Variants in WDR43 observed in about 807,000 individuals in gnomAD.
WDR43 encodes WD repeat domain 43, also known as WD repeat-containing protein 43.
Under a neutral mutation model 91.4 loss-of-function variants are expected in WDR43, and 13 were observed. The ratio of observed to expected loss-of-function variants is 0.14; its 90% CI spans 0.09 to 0.23. WDR43 has a LOEUF of 0.23. WDR43 is among the 10% of genes least tolerant of loss of function. The pLI, the probability that WDR43 is intolerant of heterozygous loss-of-function variation, is 1.00. For missense variants in WDR43, 780 were observed against 809.4 expected, an observed-to-expected ratio of 0.96 and a Z score of 0.44; for synonymous variants, 331 against 287.9, an observed-to-expected ratio of 1.15 and a Z score of -1.51.
intron 16 of WDR43, among the ~76,000 whole-genome samples, chr2:28,943,092 C>G (rs1328281759): frequency 1.3e-5 from 2 of 152,122 alleles, no homozygotes; most frequent in East Asian, 3.8e-4. Flanking sequence ...AAGATATGCC[C>G]AGATATTTTG....
Position 28,898,989 on chromosome 2 carries a change from CTGGATCAAATGCTGATGA to C in WDR43, c.226-2981_226-2964del, listed in dbSNP as rs199578132. ...TTCTCCCTCAGCCTTCTGATTGTTT[CTGGATCAAATGCTGATGA>C]TGGATCAAATGCTGATAAGCTTTTC... On this transcript the variant is annotated intron_variant, in intron 1 of 17. Coordinates refer to ENST00000407426, the MANE Select transcript of WDR43 (RefSeq NM_015131.3). 3.3e-3 allele frequency among the ~76,000 whole-genome samples: 505 copies of C among 152,268 alleles called. 7 individuals carry two copies. The East Asian group carries it at 0.059, about 18-fold the overall frequency.
At chr2:28,940,111 C>CAAA (rs369746530) in intron 14 of WDR43, among the ~76,000 whole-genome samples, 17,145 of 102,968 alleles carry the variant, frequency 0.17, 2,123 homozygotes, top group East Asian at 0.42. Flanking sequence ...GACTCCGTCT[C>CAAA]AAAAAAAAAA....
chr2:28,916,672 C>T (rs150072172), intron 5 of WDR43, among the ~76,000 whole-genome samples: 1,873 of 152,186 alleles, frequency 0.012, 21 homozygotes, highest in Middle Eastern at 0.041. Context: ...TATCGGTTCT[C>T]GTTATTTATA....
In WDR43 at chr2:28,927,627, A is replaced by G. The variant is rs746339905; in HGVS notation, c.1232A>G (p.His411Arg). The G allele has an allele frequency of 1.9e-6, 3 of 1,613,950 alleles. No individual in the cohort carries two copies. The highest frequency in any genetic ancestry group is 2.2e-5 in the South Asian group (2 of 91,074). ...AKVLVPGIPGHHAAIKPAPPQ... is the reference protein window; with the variant it reads ...AKVLVPGIPGRHAAIKPAPPQ... ...GTTCTGGTGCCTGGGATTCCTGGTCATCATGCAGCTATCAAGCCCGCTCCT... is the reference window on the plus strand; with the variant it reads ...GTTCTGGTGCCTGGGATTCCTGGTCGTCATGCAGCTATCAAGCCCGCTCCT... The change falls in exon 10 of 18, where the codon CAT (histidine) becomes CGT (arginine). Residue 411 changes from histidine (H) to arginine (R), a missense_variant. Coordinates refer to ENST00000407426, the MANE Select transcript of WDR43 (RefSeq NM_015131.3).
intron 16 of WDR43, among the ~76,000 whole-genome samples, chr2:28,943,396 A>G (rs1480389040): frequency 6.6e-6 from 1 of 152,156 alleles, no homozygotes; most frequent in Non-Finnish European, 1.5e-5. Context: ...TCAGCTTCCC[A>G]AAGTGCTGGG....
intron 1 of WDR43, among the ~76,000 whole-genome samples, chr2:28,896,853 C>T (rs980883735): frequency 6.6e-6 from 1 of 152,124 alleles, no homozygotes; most frequent in South Asian, 2.1e-4. Context: ...CATTGACAAA[C>T]GAGAGTTGAG....
At chr2:28,938,025 T>G (rs774689881) in intron 14 of WDR43, 31 bp downstream of exon 14, 1 of 1,609,108 alleles carries the variant, frequency 6.2e-7, no homozygotes, top group Non-Finnish European at 8.5e-7. Context: ...TTGCCGAGTA[T>G]GAATAGTTTG....
chr2:28,936,938 A>G lies in WDR43; in HGVS notation c.1541A>G (p.Gln514Arg), dbSNP rs763026244. The G allele has an allele frequency of 2.5e-6, 4 of 1,574,320 alleles. No individual in the cohort carries two copies. The Admixed American group carries it at 5.6e-5, about 22-fold the overall frequency. ...PLLQELTKRL[Q>R]GHPNSAVLMV... is the part of the protein sequence containing the mutation. ...CTCCCTTAGCTTACAAAGAGGTTAC[A>G]AGGACATCCTAATAGGTAAGATTAA... The change falls in exon 13 of 18, where the codon CAA (glutamine) becomes CGA (arginine). Residue 514 changes from glutamine (Q) to arginine (R), a missense_variant. Physicochemically the swap from Gln to Arg is conservative, Grantham distance 43. Around this residue, in one of 4 missense-constraint regions of WDR43, gnomAD observed 426 missense variants for 467.8 expected, o/e 0.91. Transcript: ENST00000407426.
intron 3 of WDR43, among the ~76,000 whole-genome samples, chr2:28,907,883 G>C (rs1176254237): frequency 7.3e-6 from 1 of 137,494 alleles, no homozygotes; most frequent in Non-Finnish European, 1.6e-5. Flanking sequence ...CAGCCTGGGC[G>C]ACAGAGCGAG....
intron 6 of WDR43, among the ~76,000 whole-genome samples, chr2:28,918,701 C>G (rs886501336): frequency 1.3e-5 from 2 of 152,076 alleles, no homozygotes; most frequent in Non-Finnish European, 1.5e-5. Context: ...GAGTGATGTC[C>G]TCTTGTTTGC....
intron 3 of WDR43, among the ~76,000 whole-genome samples, chr2:28,911,928 C>G (rs1484884876): frequency 6.6e-6 from 1 of 152,170 alleles, no homozygotes; most frequent in African/African-American, 2.4e-5. Context: ...CCTGCCCCTG[C>G]TGTTACTTCT....
Position 28,925,172 on chromosome 2 carries a change from G to A in WDR43, c.1086+19G>A. ...GCGAGTGGTACGTAGCTGCTACTCT[G>A]GAGTAAAGCAATATAGCATCCCTGT... On this transcript the variant is annotated intron_variant, in intron 8 of 17. Coordinates refer to ENST00000407426, the MANE Select transcript of WDR43 (RefSeq NM_015131.3). 3 of 1,594,864 alleles carry A rather than the reference G, an allele frequency of 1.9e-6. No individual in the cohort carries two copies. The highest frequency in any genetic ancestry group is 2.6e-6 in the Non-Finnish European group (3 of 1,170,154).
At chr2:28,903,713 C>G (rs1490609008) in intron 2 of WDR43, among the ~76,000 whole-genome samples, 1 of 152,126 alleles carries the variant, frequency 6.6e-6, no homozygotes, top group Admixed American at 6.6e-5. Context: ...AGGAGCCTAT[C>G]CTTTAATTGG....
intron 9 of WDR43, chr2:28,927,032 GTT>G (rs768738987): frequency 1.9e-6 from 1 of 518,174 alleles, no homozygotes; most frequent in South Asian, 1.4e-5. Context: ...TAGGGGACGT[GTT>G]TCGTGGTTTA....
intron 5 of WDR43, among the ~76,000 whole-genome samples, chr2:28,917,137 T>C (rs922180564): frequency 6.6e-6 from 1 of 152,166 alleles, no homozygotes; most frequent in Admixed American, 6.5e-5. Flanking sequence ...TACTTGTTGA[T>C]AGTATGAGAA....
At chr2:28,920,332 C>T (rs1262490189) in intron 6 of WDR43, among the ~76,000 whole-genome samples, 2 of 140,560 alleles carry the variant, frequency 1.4e-5, no homozygotes, top group Admixed American at 7.6e-5. Flanking sequence ...TTCAAATGAT[C>T]CTTCTGCCTC....
chr2:28,913,944 GTTAC>G (rs1670856884), intron 4 of WDR43, 121 bp from the exon 5 acceptor site: 1 of 1,091,170 alleles, frequency 9.2e-7, no homozygotes, highest in African/African-American at 1.6e-5. Context: ...GAATTGAACA[GTTAC>G]TTCATCGTGG....
chr2:28,916,039 ACATG>A (rs1182413716), intron 5 of WDR43, among the ~76,000 whole-genome samples: 1 of 152,234 alleles, frequency 6.6e-6, no homozygotes, highest in African/African-American at 2.4e-5. Context: ...AGTATAGTTG[ACATG>A]TAATGAACTG....
intron 11 of WDR43, among the ~76,000 whole-genome samples, chr2:28,934,581 T>C (rs1367892135): frequency 6.6e-6 from 1 of 152,182 alleles, no homozygotes; most frequent in African/African-American, 2.4e-5. Flanking sequence ...TCACTTAGTT[T>C]GGGATAACGT....
Sources: allele counts gnomAD v4.1 joint callset (sites outside exome capture counted in the v4.1 genomes callset), GRCh38; gene constraint gnomAD v4.1.1; regional missense constraint gnomAD v4.1.1; transcripts MANE v1.5; gene names NCBI Gene and HGNC (gene_info 2026-07-23, HGNC 2026-07-21).